Variants in ADAMTSL1 observed in about 807,000 individuals in gnomAD.
The protein encoded by ADAMTSL1 is ADAMTS like 1.
In ADAMTSL1, 126 loss-of-function variants were observed where a neutral mutation model predicts 201.8. The observed-to-expected ratio is 0.62, with a 90% CI of 0.54 to 0.72. ADAMTSL1 has a LOEUF of 0.72. Ranked by LOEUF, ADAMTSL1 falls within the 30% of genes least tolerant of loss-of-function variation. The pLI, the probability that ADAMTSL1 is intolerant of heterozygous loss-of-function variation, is 0.00. For synonymous variants in ADAMTSL1, 1,121 were observed against 903.4 expected (o/e 1.24, Z -4.32); for missense variants, 2,679 against 2,277.8 (o/e 1.18, Z -3.59).
intron 2 of ADAMTSL1, among the ~76,000 whole-genome samples, chr9:18,182,533 A>T (rs943178104): frequency 2.6e-5 from 4 of 152,240 alleles, no homozygotes; most frequent in African/African-American, 9.6e-5. Flanking sequence ...TGTTTATATA[A>T]GGAGAAATGC....
chr9:18,034,205 A>T (rs576615636), intron 1 of ADAMTSL1, among the ~76,000 whole-genome samples: 3 of 152,126 alleles, frequency 2.0e-5, no homozygotes, highest in Non-Finnish European at 4.4e-5. Flanking sequence ...CACCCTTCTC[A>T]TTAACAACCT....
intron 1 of ADAMTSL1, among the ~76,000 whole-genome samples, chr9:17,967,177 A>G (rs548645523): frequency 6.6e-6 from 1 of 152,250 alleles, no homozygotes; most frequent in African/African-American, 2.4e-5. Flanking sequence ...GGTAGGAAAT[A>G]AACAAATACC....
At chr9:18,674,754 A>G (rs1038847587) in intron 9 of ADAMTSL1, among the ~76,000 whole-genome samples, 5 of 152,134 alleles carry the variant, frequency 3.3e-5, no homozygotes, top group African/African-American at 4.8e-5. Context: ...AGTTCCTTCA[A>G]TACCCCAAAG....
At chr9:18,597,562 A>G (rs538386952) in intron 4 of ADAMTSL1, among the ~76,000 whole-genome samples, 1 of 152,328 alleles carries the variant, frequency 6.6e-6, no homozygotes, top group African/African-American at 2.4e-5. Context: ...AAAAATAGGC[A>G]AAGTAGAATT....
At chr9:18,103,313 G>T (rs1008431580) in intron 1 of ADAMTSL1, among the ~76,000 whole-genome samples, 1 of 152,050 alleles carries the variant, frequency 6.6e-6, no homozygotes. Context: ...CAAAACATAG[G>T]ACTTTTTAAG....
chr9:18,286,381 T>C (rs932575052), intron 2 of ADAMTSL1, among the ~76,000 whole-genome samples: 16 of 152,322 alleles, frequency 1.1e-4, no homozygotes, highest in African/African-American at 3.8e-4. Context: ...ATGATGATGA[T>C]AAACTTTTTG....
Position 18,477,973 on chromosome 9 carries a change from A to C in ADAMTSL1, c.63+3678A>C, listed in dbSNP as rs150304648. Among the ~76,000 whole-genome samples, 1,476 of 152,314 alleles carry C rather than the reference A, an allele frequency of 9.7e-3. 32 individuals are homozygous for C. Among genetic ancestry groups the C allele is most frequent in the African/African-American group, 0.034 (1,397 of 41,564 alleles). Reference sequence around the variant, plus strand: ...GTTTTTCCTTGAAAAAGCATATGGAAATTGAAGTCTTTTGAGAGACAAAGA... The same window carrying C: ...GTTTTTCCTTGAAAAAGCATATGGACATTGAAGTCTTTTGAGAGACAAAGA... On this transcript the variant is annotated intron_variant, in intron 1 of 28. Transcript: ENST00000380548.
chr9:18,906,758 C>G lies in ADAMTSL1; in HGVS notation c.5028C>G (p.Thr1676=), dbSNP rs1183575879. 3.7e-6 allele frequency: 6 copies of G among 1,613,746 alleles called. No individual in the cohort carries two copies. The highest frequency in any genetic ancestry group is 2.2e-5 in the South Asian group (2 of 91,078). ...CSVHWRVSLW[T]LCTATCGNYG... The stretch of plus-strand genomic sequence containing the variant: ...TACACTGGAGAGTCAGCCTGTGGAC[C>G]CTGTGCACAGCTACCTGTGGCAACT... Residue 1676 remains threonine, a synonymous_variant, in exon 28 of 29, where the codon ACC becomes ACG. Transcript: ENST00000380548.
chr9:18,106,446 G>A (rs1468372115), intron 1 of ADAMTSL1, among the ~76,000 whole-genome samples: 1 of 152,170 alleles, frequency 6.6e-6, no homozygotes, highest in Non-Finnish European at 1.5e-5. Flanking sequence ...CTGAGGCCAT[G>A]GGTTTTTCAG....
intron 2 of ADAMTSL1, among the ~76,000 whole-genome samples, chr9:18,294,504 C>T (rs968077157): frequency 3.3e-5 from 5 of 152,188 alleles, no homozygotes; most frequent in Non-Finnish European, 7.3e-5. Context: ...TTGTCTAATT[C>T]ATCTGTCCAG....
intron 4 of ADAMTSL1, among the ~76,000 whole-genome samples, chr9:18,581,167 ATT>A (rs1823066770): frequency 6.6e-6 from 1 of 151,982 alleles, no homozygotes; most frequent in Non-Finnish European, 1.5e-5. Flanking sequence ...AATCTTTACT[ATT>A]TCTTAACTTG....
chr9:18,905,772 T>C lies in ADAMTSL1; in HGVS notation c.4852-10T>C. The C allele has an allele frequency of 6.2e-7, 1 of 1,609,104 alleles. No individual in the cohort carries two copies. The highest frequency in any genetic ancestry group is 8.5e-7 in the Non-Finnish European group (1 of 1,177,300). ...TAATGTGCGGTATGTTACCTTTTTC[T>C]GCTTTCCAGTGCAATGGGCCTTGCA... On this transcript the variant is annotated splice_polypyrimidine_tract_variant and intron_variant, in intron 26 of 28. Coordinates refer to ENST00000380548, the MANE Select transcript of ADAMTSL1 (RefSeq NM_001040272.6).
At chr9:18,305,209 T>C (rs10963569) in intron 2 of ADAMTSL1, among the ~76,000 whole-genome samples, 132,977 of 152,256 alleles carry the variant, frequency 0.87, 58,434 homozygotes, top group African/African-American at 0.97. Flanking sequence ...CTTCACAACC[T>C]ACAGACCAGG....
intron 1 of ADAMTSL1, among the ~76,000 whole-genome samples, chr9:17,979,249 T>C (rs1818585353): frequency 6.6e-6 from 1 of 152,124 alleles, no homozygotes; most frequent in African/African-American, 2.4e-5. Flanking sequence ...TATTTCTTTA[T>C]ATATTACCCT....
intron 2 of ADAMTSL1, among the ~76,000 whole-genome samples, chr9:18,357,247 A>G (rs546349772): frequency 6.6e-6 from 1 of 152,312 alleles, no homozygotes; most frequent in South Asian, 2.1e-4. Flanking sequence ...CCCCAAGCAA[A>G]GTATTTTTTT....
At chr9:18,803,612 A>C (rs981819817) in intron 20 of ADAMTSL1, among the ~76,000 whole-genome samples, 10 of 152,184 alleles carry the variant, frequency 6.6e-5, no homozygotes, top group Non-Finnish European at 1.5e-5. Context: ...CAAAAATAAA[A>C]ATTTAATGTT....
chr9:18,157,911 C>T (rs1827224455), intron 1 of ADAMTSL1, among the ~76,000 whole-genome samples: 1 of 151,948 alleles, frequency 6.6e-6, no homozygotes, highest in South Asian at 2.1e-4. Context: ...TCTTTTTCTT[C>T]CCCCAGACAA....
chr9:18,170,478 T>C (rs1421474386), intron 2 of ADAMTSL1, among the ~76,000 whole-genome samples: 3 of 151,980 alleles, frequency 2.0e-5, no homozygotes, highest in African/African-American at 7.2e-5. Context: ...GTAACAAAAC[T>C]ATAAAAACTG....
chr9:18,542,279 C>A (rs1820201102), intron 3 of ADAMTSL1, among the ~76,000 whole-genome samples: 1 of 152,014 alleles, frequency 6.6e-6, no homozygotes, highest in South Asian at 2.1e-4. Flanking sequence ...AAAATACCAC[C>A]TCCCAGAGTT....
Sources: allele counts gnomAD v4.1 joint callset (sites outside exome capture counted in the v4.1 genomes callset), GRCh38; gene constraint gnomAD v4.1.1; transcripts MANE v1.5; gene names NCBI Gene and HGNC (gene_info 2026-07-23, HGNC 2026-07-21).